ZNF875: variants seen among roughly 807,000 people sequenced by gnomAD.
The protein encoded by ZNF875 is HKR1, GLI-Kruppel zinc finger family member.
ZNF875 carries 14 observed loss-of-function variants against 11.2 expected under a neutral mutation model. The ratio of observed to expected loss-of-function variants is 1.26; its 90% CI spans 0.83 to 1.96. The LOEUF is 1.96. Ranked by LOEUF, ZNF875 falls within the 30% of genes most tolerant of loss-of-function variation. The pLI is 0.00. For synonymous variants in ZNF875, 301 were observed against 281.1 expected (o/e 1.07, Z -0.71); for missense variants, 752 against 760.4 (o/e 0.99, Z 0.13).
intron 2 of ZNF875, chr19:37,346,984 A>T: frequency 1.9e-6 from 1 of 526,426 alleles, no homozygotes; most frequent in Non-Finnish European, 3.5e-6. Flanking sequence ...CACCTGACTA[A>T]TTTTGTATTT....
intron 2 of ZNF875, among the ~76,000 whole-genome samples, chr19:37,341,610 G>T (rs977221133): frequency 1.3e-5 from 2 of 152,102 alleles, no homozygotes; most frequent in Non-Finnish European, 2.9e-5. Context: ...GTCATAGAAC[G>T]GGATAACATA....
At chr19:37,343,626 A>G (rs1278099443) in intron 2 of ZNF875, among the ~76,000 whole-genome samples, 1 of 152,096 alleles carries the variant, frequency 6.6e-6, no homozygotes, top group African/African-American at 2.4e-5. Context: ...CAGGTTATTC[A>G]CATGGTGGTC....
At chr19:37,349,166 T>C (rs1195810683) in intron 4 of ZNF875, among the ~76,000 whole-genome samples, 1 of 152,184 alleles carries the variant, frequency 6.6e-6, no homozygotes, top group Non-Finnish European at 1.5e-5. Context: ...TTTCCTTGTT[T>C]GTAAGGACAT....
At chr19:37,347,372 A>G in intron 3 of ZNF875, 56 bp downstream of exon 3, 3 of 1,532,486 alleles carry the variant, frequency 2.0e-6, no homozygotes, top group Non-Finnish European at 2.7e-6. Context: ...TTTTCCACTC[A>G]TCGTGAGGAA....
chr19:37,314,714 G>A (rs559788111), upstream of ZNF875, among the ~76,000 whole-genome samples: 454 of 146,174 alleles, frequency 3.1e-3, 3 homozygotes, highest in African/African-American at 0.011. Flanking sequence ...TCGTGCCACT[G>A]CACTCCAGTC....
In ZNF875 at chr19:37,320,442, G is replaced by A. The variant is rs2031186286; in HGVS notation, c.-746-1743G>A. Among the ~76,000 whole-genome samples, 2 of 152,142 alleles carry A rather than the reference G, an allele frequency of 1.3e-5. 1 individual carries two copies. Among genetic ancestry groups the A allele is most frequent in the Admixed American group, 1.3e-4 (2 of 15,278 alleles). Reference sequence around the variant, plus strand: ...AAATAACAGTTCCCAGTGATGATGTGCTACTTGCTATTGTTACTTAATGTG... The same window carrying A: ...AAATAACAGTTCCCAGTGATGATGTACTACTTGCTATTGTTACTTAATGTG... On this transcript the variant is annotated intron_variant, in intron 1 of 5. Transcript: ENST00000544914.
At chr19:37,314,170 T>C (rs997678933), upstream of ZNF875, among the ~76,000 whole-genome samples, 3 of 152,126 alleles carry the variant, frequency 2.0e-5, no homozygotes, top group African/African-American at 7.2e-5. Flanking sequence ...TGGAGTGCCG[T>C]GGTATAATCA....
At chr19:37,322,565 C>G (rs1345904632) in intron 2 of ZNF875, among the ~76,000 whole-genome samples, 2 of 152,156 alleles carry the variant, frequency 1.3e-5, no homozygotes, top group Non-Finnish European at 2.9e-5. Flanking sequence ...TATTTATTAG[C>G]TTTCTGATGC....
At chr19:37,336,500 C>A (rs909218959) in intron 2 of ZNF875, among the ~76,000 whole-genome samples, 3 of 150,168 alleles carry the variant, frequency 2.0e-5, no homozygotes, top group Admixed American at 1.3e-4. Context: ...GGGGTTTCAC[C>A]GTGTCAGCCA....
chr19:37,322,463 C>T (rs1380088192), intron 2 of ZNF875, among the ~76,000 whole-genome samples: 3 of 152,066 alleles, frequency 2.0e-5, no homozygotes, highest in Admixed American at 6.5e-5. Context: ...GAGAGAATAC[C>T]GTAAGGGATG....
At chr19:37,347,549 CTT>C (rs2037046396) in intron 3 of ZNF875, 5 of 610,330 alleles carry the variant, frequency 8.2e-6, no homozygotes, top group Non-Finnish European at 1.4e-5. Flanking sequence ...TGTGCTCTCT[CTT>C]TATTTTGCTT....
intron 4 of ZNF875, among the ~76,000 whole-genome samples, chr19:37,356,120 T>C (rs1396277085): frequency 6.6e-6 from 1 of 152,222 alleles, no homozygotes; most frequent in Non-Finnish European, 1.5e-5. Flanking sequence ...CATTCTTTTT[T>C]ATGGCTGCAT....
chr19:37,324,379 A>T (rs2032050290), intron 4 of ZNF875: 1 of 152,052 alleles, frequency 6.6e-6, no homozygotes, highest in African/African-American at 2.4e-5. Context: ...ATATAAAATG[A>T]CCCATCTGTA....
Position 37,334,999 on chromosome 19 carries a change from G to C in ZNF875, c.-56-170G>C, listed in dbSNP as rs372476419. 9.2e-6 allele frequency: 5 copies of C among 540,892 alleles called. No homozygotes were observed. The African/African-American group carries it at 9.5e-5, about 10-fold the overall frequency. 33.5% of individuals were successfully genotyped at this position (540,892 alleles called of 1,614,324 possible). ...CTCCCTGTCCCGAGCTTGCGGCTGA[G>C]CTTGAGGGTGGCTGGGTCATCCTGG... is the stretch of plus-strand genomic sequence containing the variant. On this transcript the variant is annotated intron_variant, in intron 1 of 4. Transcript: ENST00000392153.
chr19:37,356,641 T>C (rs1057351800), intron 4 of ZNF875, among the ~76,000 whole-genome samples: 1 of 152,246 alleles, frequency 6.6e-6, no homozygotes, highest in African/African-American at 2.4e-5. Context: ...GAAGTATCTG[T>C]TTATGTCCTT....
At position 37,362,575 on chromosome 19, in the gene ZNF875, C is replaced by T. The variant is rs368148904; in HGVS notation, c.723C>T (p.Leu241=). 3.1e-6 allele frequency: 5 copies of T among 1,614,032 alleles called. No homozygotes were observed. Among genetic ancestry groups the T allele is most frequent in the East Asian group, 4.5e-5 (2 of 44,894 alleles). ...FGPGFIKESN[L]LSLQKTQTGE... ...CAGGCTTTATCAAGGAGTCAAACCT[C>T]CTTAGCCTCCAGAAGACACAAACTG... The change falls in exon 5 of 5, where the codon CTC becomes CTT. Residue 241 remains leucine, a synonymous_variant. Transcript: ENST00000392153.
upstream of ZNF875, among the ~76,000 whole-genome samples, chr19:37,330,878 G>A (rs1221484494): frequency 9.9e-5 from 15 of 152,044 alleles, no homozygotes; most frequent in Admixed American, 8.5e-4. Flanking sequence ...CAAATTAGAA[G>A]TTTCTTCTAT....
chr19:37,317,637 C>A (rs1445522824), upstream of ZNF875, among the ~76,000 whole-genome samples: 3 of 152,210 alleles, frequency 2.0e-5, no homozygotes, highest in African/African-American at 7.2e-5. Flanking sequence ...TTTGGTTTGG[C>A]GCAGCGGGTA....
intron 4 of ZNF875, among the ~76,000 whole-genome samples, chr19:37,360,356 C>T (rs143403389): frequency 3.3e-5 from 5 of 152,324 alleles, no homozygotes; most frequent in African/African-American, 9.6e-5. Flanking sequence ...TAGAAGTATA[C>T]ACTCCCCAAC....
Sources: allele counts gnomAD v4.1 joint callset (sites outside exome capture counted in the v4.1 genomes callset), GRCh38; gene constraint gnomAD v4.1.1; transcripts MANE v1.5; gene names NCBI Gene and HGNC (gene_info 2026-07-23, HGNC 2026-07-21).